Variants in GBE1 observed in about 807,000 individuals in gnomAD.
GBE1 encodes the protein 1,4-alpha-glucan-branching enzyme.
A neutral mutation model predicts 88.8 loss-of-function variants in GBE1; 70 were observed. The observed-to-expected ratio is 0.79, with a 90% CI of 0.65 to 0.96. The LOEUF (loss-of-function observed/expected upper bound fraction) is 0.96. Ranked by LOEUF, GBE1 falls within the 40% of genes least tolerant of loss-of-function variation. The probability of loss-of-function intolerance (pLI) is 0.00; values close to 1 mark genes in which losing one functional copy is unlikely to be tolerated. For synonymous variants in GBE1, 284 were observed against 300.1 expected, an observed-to-expected ratio of 0.95 and a Z score of 0.56; for missense variants, 872 against 871.0, an observed-to-expected ratio of 1.00 and a Z score of -0.01.
intron 3 of GBE1, among the ~76,000 whole-genome samples, chr3:81,665,622 A>G (rs1414627846): frequency 6.6e-6 from 1 of 152,144 alleles, no homozygotes; most frequent in South Asian, 2.1e-4. Context: ...TACATTACAT[A>G]TAAGTGGTCT....
intron 2 of GBE1, among the ~76,000 whole-genome samples, chr3:81,686,747 C>T (rs1705447964): frequency 6.6e-6 from 1 of 152,086 alleles, no homozygotes; most frequent in Non-Finnish European, 1.5e-5. Flanking sequence ...AAGAGCGAAA[C>T]TCTGACTCAA....
chr3:81,594,340 G>A (rs572068695), intron 7 of GBE1, among the ~76,000 whole-genome samples: 15 of 152,046 alleles, frequency 9.9e-5, no homozygotes, highest in East Asian at 9.7e-4. Context: ...CTCAGCAACC[G>A]GAAAAGTGAT....
At chr3:81,602,291 A>T (rs77694911) in intron 7 of GBE1, among the ~76,000 whole-genome samples, 227 of 152,314 alleles carry the variant, frequency 1.5e-3, no homozygotes, top group African/African-American at 5.3e-3. Context: ...GTAGTCGTTA[A>T]CATAGGACTT....
At chr3:81,504,691 G>A (rs1258848497) in intron 14 of GBE1, among the ~76,000 whole-genome samples, 1 of 152,102 alleles carries the variant, frequency 6.6e-6, no homozygotes, top group African/African-American at 2.4e-5. Context: ...CCAAGGAAGA[G>A]CCAGTGTTCT....
At chr3:81,553,588 T>C (rs1703305632) in intron 12 of GBE1, among the ~76,000 whole-genome samples, 1 of 151,532 alleles carries the variant, frequency 6.6e-6, no homozygotes, top group Non-Finnish European at 1.5e-5. Context: ...AATGTCTTTT[T>C]TTTTTTTTTT....
intron 12 of GBE1, among the ~76,000 whole-genome samples, chr3:81,563,267 C>T (rs1261837154): frequency 6.6e-6 from 1 of 151,926 alleles, no homozygotes; most frequent in Non-Finnish European, 1.5e-5. Context: ...GGCTGTGAGC[C>T]AAATAACAAG....
At position 81,722,896 on chromosome 3, in the gene GBE1, GTA is replaced by G. The variant is rs553712949; in HGVS notation, c.144-17285_144-17284del. Among the ~76,000 whole-genome samples, 1,223 of 135,224 alleles carry G rather than the reference GTA, an allele frequency of 9.0e-3. 10 individuals are homozygous for G. The highest frequency in any genetic ancestry group is 0.012 in the Admixed American group (167 of 13,530). 88.7% of individuals were successfully genotyped at this position (135,224 alleles called of 152,430 possible). ...CACACACACGTGTGTGTGTGTGTGT[GTA>G]TATATATATATATATATACACACAA... On this transcript the variant is annotated intron_variant, in intron 1 of 15. Transcript: ENST00000429644.
At chr3:81,558,618 T>G (rs1325141610) in intron 12 of GBE1, among the ~76,000 whole-genome samples, 1 of 152,048 alleles carries the variant, frequency 6.6e-6, no homozygotes, top group African/African-American at 2.4e-5. Context: ...TATTTGTGAC[T>G]CATGAGGAAA....
chr3:81,693,007 G>T (rs1053092931), intron 2 of GBE1, among the ~76,000 whole-genome samples: 1 of 152,104 alleles, frequency 6.6e-6, no homozygotes, highest in Non-Finnish European at 1.5e-5. Context: ...GACAAATGAT[G>T]CACTTTTTCA....
At position 81,581,205 on chromosome 3, in the gene GBE1, T is replaced by G; in HGVS notation, c.1406A>C (p.Tyr469Ser). 6.2e-7 allele frequency: 1 copy of G among 1,607,126 alleles called. No homozygotes were observed. The highest frequency in any genetic ancestry group is 8.5e-7 in the Non-Finnish European group (1 of 1,177,006). The change falls in exon 11 of 16, where the codon TAC becomes TCC. Residue 469 changes from tyrosine to serine, a missense_variant. Transcript: ENST00000429644. ...DIVYTLTNRR[Y>S]LEKCIAYAES... is the part of the protein sequence containing the mutation. ...TGCATAAGCAATGCACTTTTCAAGG[T>G]AGCGCCTGTTTGTGAGCGTGTATAC...
At chr3:81,573,228 T>C (rs1331828744) in intron 12 of GBE1, among the ~76,000 whole-genome samples, 1 of 152,176 alleles carries the variant, frequency 6.6e-6, no homozygotes, top group African/African-American at 2.4e-5. Context: ...ATGTAAATTG[T>C]TTTCTTTAGG....
chr3:81,544,245 T>C (rs1231624565), intron 12 of GBE1, among the ~76,000 whole-genome samples: 1 of 152,118 alleles, frequency 6.6e-6, no homozygotes, highest in East Asian at 1.9e-4. Context: ...GATAAGAGGC[T>C]TAGAAAAGTC....
chr3:81,498,817 T>A (rs934694168), intron 15 of GBE1, among the ~76,000 whole-genome samples: 1 of 152,124 alleles, frequency 6.6e-6, no homozygotes, highest in African/African-American at 2.4e-5. Context: ...TGTTCATAAT[T>A]GAAAGAAAAA....
At chr3:81,647,110 C>T (rs1704776794) in intron 5 of GBE1, among the ~76,000 whole-genome samples, 1 of 152,024 alleles carries the variant, frequency 6.6e-6, no homozygotes, top group Non-Finnish European at 1.5e-5. Flanking sequence ...GTGCGTGCCA[C>T]CATCCCTGGC....
intron 11 of GBE1, among the ~76,000 whole-genome samples, chr3:81,580,647 C>G (rs747999634): frequency 1.3e-5 from 2 of 152,016 alleles, no homozygotes; most frequent in Non-Finnish European, 2.9e-5. Context: ...GTTGACAAGA[C>G]GAGCTTTCCT....
Position 81,750,551 on chromosome 3 carries a change from GTA to G in GBE1, c.143+10822_143+10823del, listed in dbSNP as rs770974468. ...TATATATATATACGTATATATATAT[GTA>G]TATATATATGTATATATATATACGT... On this transcript the variant is annotated intron_variant, in intron 1 of 15. Transcript: ENST00000429644. Among the ~76,000 whole-genome samples, 499 of 52,324 alleles carry G rather than the reference GTA, an allele frequency of 9.5e-3. 58 individuals carry two copies. Among genetic ancestry groups the G allele is most frequent in the Middle Eastern group, 0.031 (3 of 98 alleles). 34.3% of individuals were successfully genotyped at this position (52,324 alleles called of 152,430 possible). A position where few individuals can be genotyped will look rare whatever the true frequency, so the allele number is the denominator to read the frequency against.
intron 6 of GBE1, among the ~76,000 whole-genome samples, chr3:81,644,638 C>T (rs935136147): frequency 6.6e-6 from 1 of 152,122 alleles, no homozygotes; most frequent in Non-Finnish European, 1.5e-5. Context: ...AAAAGAGCGA[C>T]ATGATCTGAC....
At chr3:81,547,833 G>T (rs1163312730) in intron 12 of GBE1, among the ~76,000 whole-genome samples, 3 of 151,314 alleles carry the variant, frequency 2.0e-5, no homozygotes, top group Non-Finnish European at 3.0e-5. Flanking sequence ...ATAAAGAGGG[G>T]TATCTTAGGA....
chr3:81,604,845 C>G (rs139498905), intron 7 of GBE1, among the ~76,000 whole-genome samples: 1 of 152,062 alleles, frequency 6.6e-6, no homozygotes, highest in Non-Finnish European at 1.5e-5. Flanking sequence ...CCTTTCCCCC[C>G]ACAGCTTACA....
Sources: allele counts gnomAD v4.1 joint callset (sites outside exome capture counted in the v4.1 genomes callset), GRCh38; gene constraint gnomAD v4.1.1; transcripts MANE v1.5; gene names NCBI Gene and HGNC (gene_info 2026-07-23, HGNC 2026-07-21).